Variants in MNAT1 observed in about 807,000 individuals in gnomAD.
The protein encoded by MNAT1 is CDK-activating kinase assembly factor MAT1.
MNAT1 carries 43 observed loss-of-function variants against 42.0 expected under a neutral mutation model. The ratio of observed to expected loss-of-function variants is 1.02; its 90% CI spans 0.80 to 1.32. The LOEUF (loss-of-function observed/expected upper bound fraction) is 1.32, where lower values mean the gene tolerates loss of function less well. MNAT1 is among the 40% of genes most tolerant of loss of function. The pLI is 0.00. For synonymous variants in MNAT1, 118 were observed against 120.0 expected, an observed-to-expected ratio of 0.98 and a Z score of 0.11; for missense variants, 306 against 350.4, an observed-to-expected ratio of 0.87 and a Z score of 1.01.
intron 7 of MNAT1, among the ~76,000 whole-genome samples, chr14:60,943,953 T>C: frequency 6.6e-6 from 1 of 152,362 alleles, no homozygotes; most frequent in African/African-American, 2.4e-5. Flanking sequence ...GTTATTCATA[T>C]AAGTTTTGTA....
chr14:60,734,973 T>C lies in MNAT1; in HGVS notation c.89+22T>C. The C allele has an allele frequency of 6.2e-7, 1 of 1,611,956 alleles. No homozygotes were observed. Among genetic ancestry groups the C allele is most frequent in the Admixed American group, 1.7e-5 (1 of 60,020 alleles). On this transcript the variant is annotated intron_variant, in intron 1 of 7. Transcript: ENST00000261245. This position sits in a 1 kb window ranked among gnomAD's most constrained non-coding sequence, Gnocchi z 4.3. Reference sequence around the variant, plus strand: ...CTCTGTGAGTTGGGCGGCAGTGGATTCCCTGGGGGAGAGACGCGCTGGGTG... The same window carrying C: ...CTCTGTGAGTTGGGCGGCAGTGGATCCCCTGGGGGAGAGACGCGCTGGGTG...
At chr14:60,926,293 A>G (rs2035762394) in intron 7 of MNAT1, among the ~76,000 whole-genome samples, 1 of 152,188 alleles carries the variant, frequency 6.6e-6, no homozygotes, top group South Asian at 2.1e-4. Flanking sequence ...CCAGTCCAGT[A>G]GACACCAACT....
At chr14:60,809,698 G>A (rs549290797) in intron 4 of MNAT1, among the ~76,000 whole-genome samples, 48 of 152,036 alleles carry the variant, frequency 3.2e-4, no homozygotes, top group Non-Finnish European at 5.6e-4. Context: ...CCATCCCAAG[G>A]ATAATTCCTG....
At chr14:60,805,910 A>G (rs900844769) in intron 3 of MNAT1, among the ~76,000 whole-genome samples, 1 of 152,214 alleles carries the variant, frequency 6.6e-6, no homozygotes, top group African/African-American at 2.4e-5. Context: ...CTTGATTGCC[A>G]GATTATATGA....
intron 6 of MNAT1, among the ~76,000 whole-genome samples, chr14:60,819,052 G>A (rs1032998556): frequency 3.9e-5 from 6 of 151,934 alleles, no homozygotes; most frequent in African/African-American, 1.4e-4. Context: ...CAATTTTTTT[G>A]TATGTGAATT....
At chr14:60,947,753 A>G (rs1250882011) in intron 7 of MNAT1, among the ~76,000 whole-genome samples, 26 of 152,190 alleles carry the variant, frequency 1.7e-4, no homozygotes, top group Admixed American at 1.7e-3. Context: ...AGATTTCCAA[A>G]TGGATCCTGG....
At chr14:60,922,667 GA>G (rs1163070985) in intron 7 of MNAT1, among the ~76,000 whole-genome samples, 1 of 150,674 alleles carries the variant, frequency 6.6e-6, no homozygotes, top group Non-Finnish European at 1.5e-5. Context: ...AGGGAGAGGG[GA>G]CAAAAAGAAA....
intron 7 of MNAT1, among the ~76,000 whole-genome samples, chr14:60,954,494 T>C (rs2036444002): frequency 6.6e-6 from 1 of 152,126 alleles, no homozygotes; most frequent in African/African-American, 2.4e-5. Context: ...TTTTGTTTGT[T>C]TTGGTAGCTA....
chr14:60,742,445 A>G (rs1021714535), intron 1 of MNAT1, among the ~76,000 whole-genome samples: 3 of 152,018 alleles, frequency 2.0e-5, no homozygotes, highest in African/African-American at 7.2e-5. Flanking sequence ...TTTTATTTGT[A>G]TTTGTGATTT....
chr14:60,914,820 A>G (rs1200637893), intron 7 of MNAT1, among the ~76,000 whole-genome samples: 1 of 152,222 alleles, frequency 6.6e-6, no homozygotes, highest in African/African-American at 2.4e-5. Context: ...AAGTGCGATT[A>G]TTGAAGCTAG....
At chr14:60,857,206 G>A (rs1230224483) in intron 6 of MNAT1, among the ~76,000 whole-genome samples, 1 of 152,202 alleles carries the variant, frequency 6.6e-6, no homozygotes, top group Non-Finnish European at 1.5e-5. Flanking sequence ...TCTGACAGAT[G>A]TACGAGGAGA....
At chr14:60,771,536 A>G (rs937547614) in intron 1 of MNAT1, among the ~76,000 whole-genome samples, 2 of 152,176 alleles carry the variant, frequency 1.3e-5, no homozygotes, top group Non-Finnish European at 2.9e-5. Context: ...CCACTTCTGT[A>G]TTCTAAACTC....
chr14:60,922,115 T>G (rs1224875382), intron 7 of MNAT1, among the ~76,000 whole-genome samples: 1 of 152,194 alleles, frequency 6.6e-6, no homozygotes, highest in Middle Eastern at 3.2e-3. Flanking sequence ...AAATCAATTG[T>G]GTAACTGTTC....
intron 1 of MNAT1, chr14:60,780,264 T>A (rs2031409746): frequency 6.9e-7 from 1 of 1,441,544 alleles, no homozygotes; most frequent in Non-Finnish European, 9.8e-7. Context: ...AGTGGTGAGG[T>A]CCTGGAAAGA....
chr14:60,853,015 T>C (rs2033863807), intron 6 of MNAT1, among the ~76,000 whole-genome samples: 1 of 152,142 alleles, frequency 6.6e-6, no homozygotes, highest in South Asian at 2.1e-4. Flanking sequence ...CTTAGGATTG[T>C]CTTGGCTATA....
intron 3 of MNAT1, among the ~76,000 whole-genome samples, chr14:60,801,761 G>A (rs768555141): frequency 6.6e-6 from 1 of 152,176 alleles, no homozygotes; most frequent in Non-Finnish European, 1.5e-5. Context: ...TTGGAGAACA[G>A]TATGGAAGTT....
At chr14:60,949,703 A>G (rs1416161918) in intron 7 of MNAT1, among the ~76,000 whole-genome samples, 3 of 152,174 alleles carry the variant, frequency 2.0e-5, no homozygotes, top group South Asian at 4.1e-4. Context: ...TGGCTAATCT[A>G]TTAAAGCATT....
rs369469846 is a variant in MNAT1 at position 60,745,846 on chromosome 14, G to C, written c.89+10895G>C. On this transcript the variant is annotated intron_variant, in intron 1 of 7. Coordinates refer to ENST00000261245, the MANE Select transcript of MNAT1 (RefSeq NM_002431.4). ...CCTCAGCTCCTTCCCTAATATTTTT[G>C]TAAGCTTTCTTTTCTTTTAATGGAG... is the stretch of plus-strand genomic sequence containing the variant. Among the ~76,000 whole-genome samples the C allele has an allele frequency of 8.5e-5, 13 of 152,158 alleles. No individual in the cohort carries two copies. In the East Asian group the frequency reaches 2.3e-3, roughly 27 times the overall value.
At chr14:60,766,176 T>C (rs2030807687) in intron 1 of MNAT1, among the ~76,000 whole-genome samples, 1 of 151,438 alleles carries the variant, frequency 6.6e-6, no homozygotes, top group African/African-American at 2.4e-5. Flanking sequence ...GGTGAAACCC[T>C]GTCTCTACTA....
Sources: allele counts gnomAD v4.1 joint callset (sites outside exome capture counted in the v4.1 genomes callset), GRCh38; gene constraint gnomAD v4.1.1; non-coding constraint Gnocchi (gnomAD v3.1); transcripts MANE v1.5; gene names NCBI Gene and HGNC (gene_info 2026-07-23, HGNC 2026-07-21).